The following LRP1B variants were observed in gnomAD, a reference collection of about 807,000 sequenced individuals.
The protein encoded by LRP1B is LDL receptor related protein 1B, also known as low-density lipoprotein receptor-related protein 1B.
A neutral mutation model predicts 556.6 loss-of-function variants in LRP1B; 217 were observed. That is an observed-to-expected ratio of 0.39 (90% CI 0.35 to 0.44). The LOEUF (loss-of-function observed/expected upper bound fraction) is 0.44, where lower values mean the gene tolerates loss of function less well. Ranked by LOEUF, LRP1B falls within the 20% of genes least tolerant of loss-of-function variation. The pLI, the probability that LRP1B is intolerant of heterozygous loss-of-function variation, is 1.00. For synonymous variants in LRP1B, 2,047 were observed against 1,865.8 expected, an observed-to-expected ratio of 1.10 and a Z score of -2.50; for missense variants, 5,053 against 5,620.8, an observed-to-expected ratio of 0.90 and a Z score of 3.23.
At chr2:140,375,920 C>G (rs1345054118) in intron 68 of LRP1B, among the ~76,000 whole-genome samples, 1 of 151,904 alleles carries the variant, frequency 6.6e-6, no homozygotes, top group Non-Finnish European at 1.5e-5. Flanking sequence ...ATTATCAGTT[C>G]CATTCATACA....
chr2:140,318,734 AT>A (rs1284002705), intron 82 of LRP1B, among the ~76,000 whole-genome samples: 2 of 152,074 alleles, frequency 1.3e-5, no homozygotes, highest in Non-Finnish European at 2.9e-5. Flanking sequence ...GACCACCTAC[AT>A]TCACCCTGGG....
chr2:141,952,868 T>G (rs543983530), intron 1 of LRP1B, among the ~76,000 whole-genome samples: 1 of 152,134 alleles, frequency 6.6e-6, no homozygotes, highest in Non-Finnish European at 1.5e-5. Context: ...AAAGCCTTCA[T>G]GCTATAAAGT....
intron 41 of LRP1B, among the ~76,000 whole-genome samples, chr2:140,603,524 A>G (rs1202089202): frequency 6.6e-6 from 1 of 152,122 alleles, no homozygotes; most frequent in Non-Finnish European, 1.5e-5. Flanking sequence ...AAATGAGAAT[A>G]ATCCATCCTG....
chr2:140,317,532 T>C (rs1168704670), intron 82 of LRP1B, among the ~76,000 whole-genome samples: 1 of 152,112 alleles, frequency 6.6e-6, no homozygotes, highest in East Asian at 1.9e-4. Context: ...AAATTGAAGA[T>C]GCCCTTGCAA....
At chr2:141,270,282 C>A (rs1685040612) in intron 3 of LRP1B, among the ~76,000 whole-genome samples, 1 of 152,036 alleles carries the variant, frequency 6.6e-6, no homozygotes, top group Non-Finnish European at 1.5e-5. Flanking sequence ...AACACACAAA[C>A]AAACACAAAT....
At chr2:141,025,641 T>C (rs552850773) in intron 11 of LRP1B, among the ~76,000 whole-genome samples, 1 of 152,076 alleles carries the variant, frequency 6.6e-6, no homozygotes, top group Non-Finnish European at 1.5e-5. Context: ...ATCAGCTCTT[T>C]TTGGGTCTCC....
intron 3 of LRP1B, among the ~76,000 whole-genome samples, chr2:141,356,115 C>CA (rs1254099409): frequency 1.3e-5 from 2 of 152,056 alleles, no homozygotes; most frequent in African/African-American, 4.8e-5. Context: ...GCTAGTTTTG[C>CA]AAAAAATTAG....
intron 83 of LRP1B, among the ~76,000 whole-genome samples, chr2:140,301,977 C>G (rs192477099): frequency 2.0e-5 from 3 of 151,994 alleles, no homozygotes; most frequent in South Asian, 2.1e-4. Flanking sequence ...CACTTCCTCA[C>G]TGAATCCATT....
chr2:140,801,691 G>T (rs1690519766), intron 32 of LRP1B, among the ~76,000 whole-genome samples: 1 of 151,318 alleles, frequency 6.6e-6, no homozygotes, highest in African/African-American at 2.4e-5. Flanking sequence ...AACTAATAAT[G>T]CTGTGATAAC....
intron 6 of LRP1B, among the ~76,000 whole-genome samples, chr2:141,197,342 GTTC>G (rs1681797602): frequency 1.3e-5 from 2 of 152,140 alleles, no homozygotes; most frequent in East Asian, 1.9e-4. Context: ...CCTTGCTGGG[GTTC>G]TTATCTTAGA....
chr2:142,123,365 A>C (rs1175172992), intron 1 of LRP1B, among the ~76,000 whole-genome samples: 1 of 152,042 alleles, frequency 6.6e-6, no homozygotes, highest in African/African-American at 2.4e-5. Context: ...ATCTTGAAGG[A>C]TGTCAATGCA....
At chr2:141,246,984 A>AAAGG (rs772433945) in intron 5 of LRP1B, among the ~76,000 whole-genome samples, 27 of 152,132 alleles carry the variant, frequency 1.8e-4, no homozygotes, top group Admixed American at 7.2e-4. Context: ...GAAAAAAAAG[A>AAAGG]AAGGAAGGAA....
chr2:140,412,073 C>G (rs1247214229), intron 66 of LRP1B, among the ~76,000 whole-genome samples: 1 of 151,924 alleles, frequency 6.6e-6, no homozygotes, highest in Non-Finnish European at 1.5e-5. Context: ...TCACTTTCAC[C>G]AAGTATCAAA....
intron 87 of LRP1B, among the ~76,000 whole-genome samples, chr2:140,244,137 T>C (rs1039618336): frequency 2.6e-5 from 4 of 151,294 alleles, no homozygotes; most frequent in Non-Finnish European, 4.4e-5. Flanking sequence ...TAGCAGAGAC[T>C]TGATAAACCT....
At chr2:140,354,034 ACT>A (rs1283045348) in intron 75 of LRP1B, among the ~76,000 whole-genome samples, 1 of 151,528 alleles carries the variant, frequency 6.6e-6, no homozygotes, top group Non-Finnish European at 1.5e-5. Flanking sequence ...TTGGCACATG[ACT>A]CTAATTTTAA....
At chr2:140,732,671 A>G (rs1346067253) in intron 35 of LRP1B, among the ~76,000 whole-genome samples, 1 of 151,778 alleles carries the variant, frequency 6.6e-6, no homozygotes, top group Non-Finnish European at 1.5e-5. Context: ...TAAAGATTAC[A>G]TTAGATTAGA....
At chr2:140,424,327 T>C (rs139413543) in intron 66 of LRP1B, among the ~76,000 whole-genome samples, 1 of 152,330 alleles carries the variant, frequency 6.6e-6, no homozygotes, top group African/African-American at 2.4e-5. Context: ...TTAAATATTT[T>C]TATGTAAACC....
intron 1 of LRP1B, among the ~76,000 whole-genome samples, chr2:142,043,898 C>T (rs1265021503): frequency 6.6e-6 from 1 of 151,692 alleles, no homozygotes; most frequent in Non-Finnish European, 1.5e-5. Flanking sequence ...ATAGGTGAGA[C>T]ATATTTTGAA....
intron 1 of LRP1B, among the ~76,000 whole-genome samples, chr2:141,836,243 GT>G (rs1574412874): frequency 6.6e-6 from 1 of 152,062 alleles, no homozygotes; most frequent in East Asian, 1.9e-4. Flanking sequence ...CAAACTCACA[GT>G]AATATAATTT....
Sources: allele counts gnomAD v4.1 joint callset (sites outside exome capture counted in the v4.1 genomes callset), GRCh38; gene constraint gnomAD v4.1.1; transcripts MANE v1.5; gene names NCBI Gene and HGNC (gene_info 2026-07-23, HGNC 2026-07-21).